The following JAK1 variants were observed in gnomAD, a reference collection of about 807,000 sequenced individuals.
JAK1 encodes the protein tyrosine-protein kinase JAK1.
A neutral mutation model predicts 136.6 loss-of-function variants in JAK1; 16 were observed. That is an observed-to-expected ratio of 0.12 (90% CI 0.08 to 0.18). JAK1 has a LOEUF of 0.18. JAK1 is among the 10% of genes least tolerant of loss of function. JAK1 has a pLI of 1.00. For missense variants in JAK1, 859 were observed against 1,450.1 expected (o/e 0.59, Z 6.62); for synonymous variants, 492 against 519.5 (o/e 0.95, Z 0.72).
upstream of JAK1, among the ~76,000 whole-genome samples, chr1:64,967,735 A>C (rs943675736): frequency 6.6e-6 from 1 of 152,204 alleles, no homozygotes; most frequent in Admixed American, 6.5e-5. Flanking sequence ...GTGTTGCCCT[A>C]AACAATTCTT....
intron 1 of JAK1, among the ~76,000 whole-genome samples, chr1:64,896,231 A>G (rs1276245085): frequency 1.3e-5 from 2 of 152,268 alleles, no homozygotes; most frequent in African/African-American, 4.8e-5. Flanking sequence ...GCATGCTTAC[A>G]TTCACAATTC....
intron 1 of JAK1, among the ~76,000 whole-genome samples, chr1:65,051,816 GCA>G (rs1223402090): frequency 2.6e-5 from 4 of 152,214 alleles, no homozygotes; most frequent in African/African-American, 9.6e-5. Flanking sequence ...TAGTCTAAAT[GCA>G]CAAAGCAACG....
At chr1:64,950,380 C>G (rs1055380489) in intron 1 of JAK1, among the ~76,000 whole-genome samples, 3 of 151,658 alleles carry the variant, frequency 2.0e-5, no homozygotes, top group African/African-American at 7.3e-5. Context: ...GCACTCCAGC[C>G]CGGGAGACAG....
intron 2 of JAK1, among the ~76,000 whole-genome samples, chr1:64,975,708 T>C (rs1203560524): frequency 6.6e-6 from 1 of 152,186 alleles, no homozygotes; most frequent in Non-Finnish European, 1.5e-5. Flanking sequence ...CTGAGCCCTT[T>C]GCAGTCATAC....
rs2100989314 is a variant in JAK1 at position 64,844,048 on chromosome 1, G to A, written c.2403+16C>T. On this transcript the variant is annotated intron_variant, in intron 17 of 24. Coordinates refer to ENST00000342505, the MANE Select transcript of JAK1 (RefSeq NM_002227.4). This position sits in a 1 kb window ranked among gnomAD's most constrained non-coding sequence, Gnocchi z 5.7. ...AAGCCCTCACTTGCCTCACGCCCCG[G>A]GAAACACCTGCTCACCTCAATCAGC... 6.2e-7 allele frequency: 1 copy of A among 1,613,378 alleles called. No individual in the cohort carries two copies.
intron 1 of JAK1, among the ~76,000 whole-genome samples, chr1:64,955,197 G>T (rs1230947694): frequency 6.6e-6 from 1 of 152,216 alleles, no homozygotes; most frequent in African/African-American, 2.4e-5. Flanking sequence ...ACATTACGAA[G>T]AAAGAGATGG....
At chr1:64,954,937 G>A (rs1308955870) in intron 1 of JAK1, among the ~76,000 whole-genome samples, 1 of 151,994 alleles carries the variant, frequency 6.6e-6, no homozygotes, top group Non-Finnish European at 1.5e-5. Context: ...TTTCTCTGAG[G>A]AGAGAGATCA....
At chr1:65,054,397 TCTTA>T (rs1647432185) in intron 1 of JAK1, among the ~76,000 whole-genome samples, 1 of 152,134 alleles carries the variant, frequency 6.6e-6, no homozygotes, top group Admixed American at 6.5e-5. Flanking sequence ...TGCTTTAGTC[TCTTA>T]TATATATGAT....
rs866532110 is a variant in JAK1, at chr1:65,043,402, G to A, written c.-78+1078C>T. Among the ~76,000 whole-genome samples, 10 of 152,072 alleles carry A rather than the reference G, an allele frequency of 6.6e-5. No homozygotes were observed. In the South Asian group the frequency reaches 1.9e-3, roughly 28 times the overall value. On this transcript the variant is annotated intron_variant, in intron 2 of 25. Coordinates refer to the JAK1 transcript ENST00000671954. ...ACTCAATAGAAAAACTTTTTTAAAT[G>A]TATAGACTTCAGATAATAAAAACAA...
chr1:64,915,663 T>C (rs2100326783), intron 1 of JAK1, among the ~76,000 whole-genome samples: 1 of 152,358 alleles, frequency 6.6e-6, no homozygotes, highest in African/African-American at 2.4e-5. Flanking sequence ...AGATGGCTAC[T>C]GTAACTGAGA....
chr1:64,954,780 G>A (rs2100595606), intron 1 of JAK1, among the ~76,000 whole-genome samples: 1 of 152,344 alleles, frequency 6.6e-6, no homozygotes, highest in South Asian at 2.1e-4. Flanking sequence ...GACTGAGGCA[G>A]AGAGATTATT....
chr1:64,969,607 T>C (rs1646432125), upstream of JAK1, among the ~76,000 whole-genome samples: 1 of 152,066 alleles, frequency 6.6e-6, no homozygotes, highest in Non-Finnish European at 1.5e-5. Context: ...TGACAGCCTA[T>C]CTAAGGCAGT....
At chr1:65,042,069 A>C (rs888499471) in intron 2 of JAK1, among the ~76,000 whole-genome samples, 3 of 152,098 alleles carry the variant, frequency 2.0e-5, no homozygotes, top group African/African-American at 7.2e-5. Flanking sequence ...AAAACAAAAA[A>C]ATCTGGAAAA....
At chr1:65,067,502 C>T (rs945088998) in intron 1 of JAK1, 2 of 146,628 alleles carry the variant, frequency 1.4e-5, no homozygotes, top group African/African-American at 4.9e-5. Flanking sequence ...CTCTGCGCCC[C>T]GAGCCTCGCG....
intron 1 of JAK1, among the ~76,000 whole-genome samples, chr1:64,950,344 T>C (rs1037213714): frequency 6.6e-6 from 1 of 151,642 alleles, no homozygotes; most frequent in Non-Finnish European, 1.5e-5. Context: ...GAGGCAGAGG[T>C]TGCAGTGAGC....
intron 1 of JAK1, among the ~76,000 whole-genome samples, chr1:64,942,816 A>T (rs1645914396): frequency 6.6e-6 from 1 of 152,220 alleles, no homozygotes; most frequent in Admixed American, 6.5e-5. Flanking sequence ...AGAACCTCTC[A>T]TATTACAGGG....
In JAK1 at chr1:64,857,781, T is replaced by C; in HGVS notation, c.1335-2A>G. 1 of 1,614,160 alleles carries C rather than the reference T, an allele frequency of 6.2e-7. No homozygotes were observed. Among genetic ancestry groups the C allele is most frequent in the Non-Finnish European group, 8.5e-7 (1 of 1,180,006 alleles). The stretch of plus-strand genomic sequence containing the variant: ...AATTTATTGATGGCGTATTCTGTAC[T>C]AGAGGGAGAAGTAGGCAAAGGGAGA... On this transcript the variant is annotated splice_acceptor_variant, in intron 9 of 24. Transcript: ENST00000342505. LOFTEE classifies it high-confidence loss of function.
intron 2 of JAK1, chr1:64,992,270 C>T (rs1646664139): frequency 6.6e-6 from 1 of 152,134 alleles, no homozygotes; most frequent in Non-Finnish European, 1.5e-5. Context: ...GTCCAAGCTA[C>T]TCAGGAGGCT....
chr1:64,901,516 A>G (rs1645104913), intron 1 of JAK1, among the ~76,000 whole-genome samples: 1 of 152,178 alleles, frequency 6.6e-6, no homozygotes, highest in Admixed American at 6.5e-5. Context: ...TATGTCAAGT[A>G]AGGTCAGCCA....
Sources: allele counts gnomAD v4.1 joint callset (sites outside exome capture counted in the v4.1 genomes callset), GRCh38; gene constraint gnomAD v4.1.1; non-coding constraint Gnocchi (gnomAD v3.1); transcripts MANE v1.5; gene names NCBI Gene and HGNC (gene_info 2026-07-23, HGNC 2026-07-21).